Variants in THAP3 observed in about 807,000 individuals in gnomAD.
THAP3 encodes the protein THAP domain-containing protein 3.
In THAP3, 12 loss-of-function variants were observed where a neutral mutation model predicts 17.7. That is an observed-to-expected ratio of 0.68 (90% CI 0.43 to 1.10). THAP3 has a LOEUF of 1.10. Among genes scored for constraint, THAP3 ranks in the 50% least tolerant of loss-of-function variants. The probability of loss-of-function intolerance (pLI) is 0.00; values close to 1 mark genes in which losing one functional copy is unlikely to be tolerated. For synonymous variants in THAP3, 133 were observed against 126.9 expected (o/e 1.05, Z -0.32); for missense variants, 289 against 318.0 (o/e 0.91, Z 0.69).
Position 6,628,557 on chromosome 1 carries a change from A to T in THAP3, c.133A>T (p.Asn45Tyr). 1 of 1,613,838 alleles carries T rather than the reference A, an allele frequency of 6.2e-7. No homozygotes were observed. Among genetic ancestry groups the T allele is most frequent in the Non-Finnish European group, 8.5e-7 (1 of 1,179,994 alleles). Reference sequence around the variant, plus strand: ...ATGGGTGCTGAACATCGGCCGGGGCAACTTCAAGCCCAAGCAGCACACGGT... The same window carrying T: ...ATGGGTGCTGAACATCGGCCGGGGCTACTTCAAGCCCAAGCAGCACACGGT... ...KEWVLNIGRG[N>Y]FKPKQHTVIC... is the part of the protein sequence containing the mutation. The change falls in exon 3 of 6, where the codon AAC becomes TAC. Residue 45 changes from asparagine to tyrosine, a missense_variant. Asn to Tyr is a moderately radical substitution (Grantham distance 143). Transcript: ENST00000054650.
In THAP3 at chr1:6,633,173, G is replaced by A; in HGVS notation, c.*96G>A. The A allele has an allele frequency of 6.8e-7, 1 of 1,480,076 alleles. No homozygotes were observed. Among genetic ancestry groups the A allele is most frequent in the African/African-American group, 1.4e-5 (1 of 70,522 alleles). The allele number at this position is 1,480,076 out of a possible 1,614,324, so 91.7% of individuals were successfully genotyped here. A position where few individuals can be genotyped will look rare whatever the true frequency, so the allele number is the denominator to read the frequency against. On this transcript the variant is annotated 3_prime_UTR_variant, in exon 6 of 6. Transcript: ENST00000054650. ...GACATTTTTGTCTGCTGTGGACACTGAGAAAGTTGGCCATGAGGCCTGCTT... is the reference window on the plus strand; with the variant it reads ...GACATTTTTGTCTGCTGTGGACACTAAGAAAGTTGGCCATGAGGCCTGCTT...
chr1:6,628,450 CGCTGGGTCCA>C lies in THAP3; in HGVS notation c.75-46_75-37del. On this transcript the variant is annotated intron_variant, in intron 2 of 5. Coordinates refer to ENST00000054650, the MANE Select transcript of THAP3 (RefSeq NM_001195753.2). Reference sequence around the variant, plus strand: ...GTGAAAATTCCGAATGACTCTGAGGCGCTGGGTCCAGCCTTGCTGGGCCTCACACCCCGTG... The same window carrying C: ...GTGAAAATTCCGAATGACTCTGAGGCGCCTTGCTGGGCCTCACACCCCGTG... 3 of 1,514,782 alleles carry C rather than the reference CGCTGGGTCCA, an allele frequency of 2.0e-6. No individual in the cohort carries two copies. In the South Asian group the frequency reaches 3.8e-5, roughly 19 times the overall value. The allele number at this position is 1,514,782 out of a possible 1,614,324, so 93.8% of individuals were successfully genotyped here. A position where few individuals can be genotyped will look rare whatever the true frequency, so the allele number is the denominator to read the frequency against.
chr1:6,632,515 T>C lies in THAP3; in HGVS notation c.438+20T>C. ...AAACAGGTAAGACTGAGTGCAAAGG[T>C]GGTCTGTGGTTGGACACAAGATGAC... On this transcript the variant is annotated intron_variant, in intron 5 of 5. Coordinates refer to ENST00000054650, the MANE Select transcript of THAP3 (RefSeq NM_001195753.2). 6.2e-7 allele frequency: 1 copy of C among 1,613,690 alleles called. No individual in the cohort carries two copies.
chr1:6,634,595 C>T (rs751700525), downstream of THAP3: 2 of 1,366,100 alleles, frequency 1.5e-6, no homozygotes, highest in East Asian at 4.5e-5. Flanking sequence ...CACTTCCAGG[C>T]CCCGAGAGAC....
At chr1:6,626,074 G>A (rs534087058) in intron 2 of THAP3, among the ~76,000 whole-genome samples, 3 of 152,182 alleles carry the variant, frequency 2.0e-5, no homozygotes, top group African/African-American at 7.2e-5. Context: ...TTGGGAGGCC[G>A]AGGCGGGAGG....
At chr1:6,635,501 A>G (rs892777191), downstream of THAP3, 47 of 685,232 alleles carry the variant, frequency 6.9e-5, no homozygotes, top group Non-Finnish European at 1.1e-4. Flanking sequence ...TACCCCCAGC[A>G]CCCTCAAAAG....
At chr1:6,626,705 GC>G (rs1259046126) in intron 2 of THAP3, among the ~76,000 whole-genome samples, 1 of 152,176 alleles carries the variant, frequency 6.6e-6, no homozygotes, top group Non-Finnish European at 1.5e-5. Context: ...AATTACCCGG[GC>G]GTGGTAGCGC....
At chr1:6,629,980 C>T (rs942610548) in intron 3 of THAP3, among the ~76,000 whole-genome samples, 1 of 152,180 alleles carries the variant, frequency 6.6e-6, no homozygotes, top group Non-Finnish European at 1.5e-5. Flanking sequence ...GCTTCTGCTG[C>T]TTGCTGGCGG....
chr1:6,630,080 A>G (rs742394), intron 3 of THAP3, among the ~76,000 whole-genome samples: 103,234 of 152,170 alleles, frequency 0.68, 35,335 homozygotes, highest in Middle Eastern at 0.8. Context: ...CACTCTGACC[A>G]TGATTTGAGG....
chr1:6,633,470 C>T lies in THAP3; in HGVS notation c.*393C>T. On this transcript the variant is annotated 3_prime_UTR_variant, in exon 6 of 6. Coordinates refer to ENST00000054650, the MANE Select transcript of THAP3 (RefSeq NM_001195753.2). ...TCTGTGGCGGGTGAGTGGTCCCCTC[C>T]TCCATCAGCCTGGACAGCCGCTCGG... 8.8e-7 allele frequency: 1 copy of T among 1,141,582 alleles called. No individual in the cohort carries two copies. Among genetic ancestry groups the T allele is most frequent in the Non-Finnish European group, 1.1e-6 (1 of 922,868 alleles). The allele number at this position is 1,141,582 out of a possible 1,614,324, so 70.7% of individuals were successfully genotyped here.
At position 6,633,175 on chromosome 1, in the gene THAP3, G is replaced by C; in HGVS notation, c.*98G>C. The C allele has an allele frequency of 6.8e-7, 1 of 1,479,430 alleles. No homozygotes were observed. Among genetic ancestry groups the C allele is most frequent in the Non-Finnish European group, 8.9e-7 (1 of 1,117,726 alleles). 91.6% of individuals were successfully genotyped at this position (1,479,430 alleles called of 1,614,324 possible). ...CATTTTTGTCTGCTGTGGACACTGAGAAAGTTGGCCATGAGGCCTGCTTGG... is the reference window on the plus strand; with the variant it reads ...CATTTTTGTCTGCTGTGGACACTGACAAAGTTGGCCATGAGGCCTGCTTGG... On this transcript the variant is annotated 3_prime_UTR_variant, in exon 6 of 6. Transcript: ENST00000054650.
At position 6,625,223 on chromosome 1, in the gene THAP3, C is replaced by T. The variant is rs1479389223; in HGVS notation, c.5C>T (p.Pro2Leu). 6 of 1,542,688 alleles carry T rather than the reference C, an allele frequency of 3.9e-6. No individual in the cohort carries two copies. The highest frequency in any genetic ancestry group is 2.5e-5 in the East Asian group (1 of 40,226). MPKSCAARQCCN... is the reference protein window; with the variant it reads MLKSCAARQCCN... Reference sequence around the variant, plus strand: ...GGCAGCCAGGCCTGGCTCGAGATGCCGAAGTCGTGCGCGGCCCGGCAGTGC... The same window carrying T: ...GGCAGCCAGGCCTGGCTCGAGATGCTGAAGTCGTGCGCGGCCCGGCAGTGC... The change falls in exon 2 of 6, where the codon CCG (proline) becomes CTG (leucine). Residue 2 changes from proline (P) to leucine (L), a missense_variant. Coordinates refer to ENST00000054650, the MANE Select transcript of THAP3 (RefSeq NM_001195753.2).
At chr1:6,625,795 T>G (rs1484997280) in intron 2 of THAP3, among the ~76,000 whole-genome samples, 6 of 152,118 alleles carry the variant, frequency 3.9e-5, no homozygotes, top group Admixed American at 2.0e-4. Flanking sequence ...TAGTCACAGT[T>G]GCGCTTTCTC....
At chr1:6,625,745 CGCCCG>C (rs76033764) in intron 2 of THAP3, among the ~76,000 whole-genome samples, 101,877 of 150,456 alleles carry the variant, frequency 0.68, 34,809 homozygotes, top group Middle Eastern at 0.79. Context: ...CTCCAGCACT[CGCCCG>C]GCCCGGCCCG....
Position 6,632,954 on chromosome 1 carries a change from T to G in THAP3, c.597T>G (p.Asn199Lys). The G allele has an allele frequency of 6.2e-7, 1 of 1,612,896 alleles. No individual in the cohort carries two copies. The highest frequency in any genetic ancestry group is 8.5e-7 in the Non-Finnish European group (1 of 1,179,886). ...AACTCTTCCTCACTCTGAAGGAAAATGAAAAGCTCCGGAAGCGCTTGCAGG... is the reference window on the plus strand; with the variant it reads ...AACTCTTCCTCACTCTGAAGGAAAAGGAAAAGCTCCGGAAGCGCTTGCAGG... ...KKKLFLTLKENEKLRKRLQAQ... is the reference protein window; with the variant it reads ...KKKLFLTLKEKEKLRKRLQAQ... Residue 199 changes from asparagine (N) to lysine (K), a missense_variant, in exon 6 of 6, where the codon AAT becomes AAG. Transcript: ENST00000054650.
Position 6,632,715 on chromosome 1 carries a change from G to T in THAP3, c.439-81G>T, listed in dbSNP as rs1452547037. On this transcript the variant is annotated intron_variant, in intron 5 of 5. Transcript: ENST00000054650. ...TCTAGCTGCCCTGGGGTTGTGCTGTGTGCGTGTCTGGTGGCCTGCTCACCA... is the reference window on the plus strand; with the variant it reads ...TCTAGCTGCCCTGGGGTTGTGCTGTTTGCGTGTCTGGTGGCCTGCTCACCA... 3.8e-6 allele frequency: 6 copies of T among 1,558,462 alleles called. 1 individual carries two copies. The highest frequency in any genetic ancestry group is 1.7e-4 in the Middle Eastern group (1 of 5,904).
downstream of THAP3, chr1:6,634,699 A>G (rs769763149): frequency 2.9e-6 from 4 of 1,365,484 alleles, no homozygotes; most frequent in African/African-American, 3.0e-5. Context: ...ACGTGGAGGA[A>G]GGGTCTGAAG....
chr1:6,635,347 C>G (rs1484464873), downstream of THAP3: 2 of 267,062 alleles, frequency 7.5e-6, no homozygotes, highest in Admixed American at 4.8e-5. Flanking sequence ...CAGCCAAGAA[C>G]TACAGGGCGG....
downstream of THAP3, chr1:6,635,365 C>T (rs1355520874): frequency 4.6e-5 from 14 of 301,496 alleles, no homozygotes; most frequent in Admixed American, 2.3e-4. Context: ...CGGCGGGCTG[C>T]GGTCAGCACG....
Sources: allele counts gnomAD v4.1 joint callset (sites outside exome capture counted in the v4.1 genomes callset), GRCh38; gene constraint gnomAD v4.1.1; transcripts MANE v1.5; gene names NCBI Gene and HGNC (gene_info 2026-07-23, HGNC 2026-07-21).